The following SRFBP1 variants were observed in gnomAD, a reference collection of about 807,000 sequenced individuals.
SRFBP1 encodes serum response factor binding protein 1.
A neutral mutation model predicts 45.5 loss-of-function variants in SRFBP1; 47 were observed. The ratio of observed to expected loss-of-function variants is 1.03; its 90% CI spans 0.82 to 1.32. The LOEUF (loss-of-function observed/expected upper bound fraction) is 1.32, where lower values mean the gene tolerates loss of function less well. Ranked by LOEUF, SRFBP1 falls within the 40% of genes most tolerant of loss-of-function variation. The pLI, the probability that SRFBP1 is intolerant of heterozygous loss-of-function variation, is 0.00. For synonymous variants in SRFBP1, 203 were observed against 166.3 expected, an observed-to-expected ratio of 1.22 and a Z score of -1.70; for missense variants, 621 against 484.6, an observed-to-expected ratio of 1.28 and a Z score of -2.64.
At chr5:122,033,190 AT>A (rs1482091691), downstream of SRFBP1, among the ~76,000 whole-genome samples, 1 of 149,568 alleles carries the variant, frequency 6.7e-6, no homozygotes, top group African/African-American at 2.5e-5. Flanking sequence ...TTTCCCCCTA[AT>A]TTTTAAGGTT....
intron 4 of SRFBP1, among the ~76,000 whole-genome samples, chr5:122,009,506 C>T (rs1295564636): frequency 6.6e-6 from 1 of 151,958 alleles, no homozygotes; most frequent in Non-Finnish European, 1.5e-5. Flanking sequence ...CTTTTTGAAA[C>T]TGGGAGGTGG....
intron 3 of SRFBP1, among the ~76,000 whole-genome samples, chr5:121,976,034 A>G (rs1476163063): frequency 3.3e-5 from 5 of 151,766 alleles, no homozygotes; most frequent in Admixed American, 6.6e-5. Context: ...GGTCCCAGCA[A>G]TTTTCTTAAT....
chr5:122,001,572 T>TTTTTA (rs1752871570), intron 4 of SRFBP1, among the ~76,000 whole-genome samples: 1 of 143,586 alleles, frequency 7.0e-6, no homozygotes, highest in African/African-American at 2.6e-5. Context: ...TTTTTTTTTT[T>TTTTTA]GAGACGGAGT....
At chr5:122,078,656 G>A (rs1407326508), downstream of SRFBP1, among the ~76,000 whole-genome samples, 1 of 152,164 alleles carries the variant, frequency 6.6e-6, no homozygotes. Flanking sequence ...GAGGGTGCTG[G>A]GGGTGAGAGG....
At chr5:121,989,682 G>A (rs558390168) in intron 3 of SRFBP1, among the ~76,000 whole-genome samples, 6 of 152,172 alleles carry the variant, frequency 3.9e-5, no homozygotes, top group Non-Finnish European at 5.9e-5. Flanking sequence ...AAAGAGCAAG[G>A]TTGTATCTGG....
At chr5:122,076,967 G>C, downstream of SRFBP1, 1 of 1,613,950 alleles carries the variant, frequency 6.2e-7, no homozygotes, top group Non-Finnish European at 8.5e-7. Context: ...TGGACGCCTG[G>C]ATGTAGTAGG....
chr5:122,066,478 C>A, intron 2 of SRFBP1: 1 of 374,648 alleles, frequency 2.7e-6, no homozygotes, highest in Non-Finnish European at 4.8e-6. Context: ...TTGAAAGAGT[C>A]AAATATGTAA....
chr5:122,027,021 A>G lies in SRFBP1; in HGVS notation c.1185A>G (p.Gln395=), dbSNP rs1211892638. The change falls in exon 8 of 8, where the codon CAA becomes CAG. Residue 395 remains glutamine, a synonymous_variant. Transcript: ENST00000339397. The stretch of plus-strand genomic sequence containing the variant: ...GAAGACTTGAAAATACAAAACAGCA[A>G]TTGCAGCTGCCTCTTCATCCTTCAT... ...LSGRLENTKQ[Q]LQLPLHPSWE... is the part of the protein sequence containing the mutation. The G allele has an allele frequency of 4.3e-6, 7 of 1,612,666 alleles. No individual in the cohort carries two copies. The highest frequency in any genetic ancestry group is 2.2e-5 in the East Asian group (1 of 44,752).
At position 122,011,957 on chromosome 5, in the gene SRFBP1, A is replaced by G. The variant is rs902583711; in HGVS notation, c.271-7303A>G. Among the ~76,000 whole-genome samples the G allele has an allele frequency of 2.0e-4, 31 of 152,106 alleles. 2 individuals are homozygous for G. The highest frequency in any genetic ancestry group is 2.0e-3 in the Admixed American group (31 of 15,266). ...CTTTTTTAATGCTTATATTTCATTT[A>G]TTTTCAAAAACACATGAAGGGAGCT... On this transcript the variant is annotated intron_variant, in intron 4 of 7. Transcript: ENST00000339397.
chr5:122,001,546 C>CTTTT lies in SRFBP1; in HGVS notation c.270+6899_270+6902dup, dbSNP rs1166482651. ...AAGAAGCCAAGTCATCCTTTGGTAT[C>CTTTT]TTTTTTTTTTTTTTTTTTTTTTTTT... On this transcript the variant is annotated intron_variant, in intron 4 of 7. Transcript: ENST00000339397. 1.8e-3 allele frequency among the ~76,000 whole-genome samples: 194 copies of CTTTT among 104,904 alleles called. 15 individuals are homozygous for CTTTT. The highest frequency in any genetic ancestry group is 6.7e-3 in the African/African-American group (179 of 26,550). The allele number at this position is 104,904 out of a possible 152,430, so 68.8% of individuals were successfully genotyped here.
At chr5:122,001,737 A>G (rs1333672486) in intron 4 of SRFBP1, among the ~76,000 whole-genome samples, 1 of 151,362 alleles carries the variant, frequency 6.6e-6, no homozygotes, top group Non-Finnish European at 1.5e-5. Context: ...AATTTTTTGT[A>G]TTTTTAGTAT....
chr5:122,068,941 T>C (rs1032964525), intron 2 of SRFBP1, among the ~76,000 whole-genome samples: 1 of 151,804 alleles, frequency 6.6e-6, no homozygotes, highest in African/African-American at 2.4e-5. Context: ...GCGGTGGGGG[T>C]CGGGGGTTGG....
At chr5:122,019,460 T>C in intron 5 of SRFBP1, 119 bp downstream of exon 5, 2 of 812,776 alleles carry the variant, frequency 2.5e-6, no homozygotes, top group South Asian at 4.3e-5. Flanking sequence ...TTTCAAATAT[T>C]TACCAGTGTG....
At chr5:122,047,385 T>C (rs1198738399) in intron 2 of SRFBP1, among the ~76,000 whole-genome samples, 1 of 152,216 alleles carries the variant, frequency 6.6e-6, no homozygotes, top group Non-Finnish European at 1.5e-5. Flanking sequence ...CTGAGGTCTC[T>C]GTTCTGTTCC....
chr5:122,025,996 A>G (rs779769126), intron 7 of SRFBP1, among the ~76,000 whole-genome samples: 1 of 152,180 alleles, frequency 6.6e-6, no homozygotes, highest in Non-Finnish European at 1.5e-5. Flanking sequence ...AGGCTGAGGC[A>G]GGAGAATTGC....
chr5:122,049,427 G>C lies in SRFBP1; in HGVS notation n.312-25888G>C, dbSNP rs141101206. ...CTTAGACTCCCACACAATAATAATA[G>C]GAGACTTTAACACCCCACTGTCAAC... On this transcript the variant is annotated intron_variant and non_coding_transcript_variant, in intron 2 of 2. Transcript: ENST00000504881. Among the ~76,000 whole-genome samples, 777 of 152,148 alleles carry C rather than the reference G, an allele frequency of 5.1e-3. 20 individuals carry two copies. In the East Asian group the frequency reaches 0.053, roughly 10 times the overall value.
intron 4 of SRFBP1, among the ~76,000 whole-genome samples, chr5:122,017,452 T>C (rs1396216394): frequency 6.6e-6 from 1 of 152,164 alleles, no homozygotes; most frequent in Non-Finnish European, 1.5e-5. Context: ...AATATTCTTC[T>C]CCTTATAAGG....
intron 7 of SRFBP1, 23 bp downstream of exon 7, chr5:122,022,430 C>T (rs752159621): frequency 1.8e-5 from 29 of 1,597,060 alleles, no homozygotes; most frequent in South Asian, 1.1e-5. Context: ...AGTTGCCTGA[C>T]CTTCATATGC....
intron 1 of SRFBP1, among the ~76,000 whole-genome samples, chr5:121,968,595 A>G (rs1406840459): frequency 6.6e-6 from 1 of 152,150 alleles, no homozygotes; most frequent in Non-Finnish European, 1.5e-5. Flanking sequence ...TTTCTCTCTC[A>G]TGCTACATTT....
Sources: allele counts gnomAD v4.1 joint callset (sites outside exome capture counted in the v4.1 genomes callset), GRCh38; gene constraint gnomAD v4.1.1; transcripts MANE v1.5; gene names NCBI Gene and HGNC (gene_info 2026-07-23, HGNC 2026-07-21).